The following TNRC6B variants were observed in gnomAD, a reference collection of about 807,000 sequenced individuals.
TNRC6B encodes the protein trinucleotide repeat containing adaptor 6B.
TNRC6B carries 52 observed loss-of-function variants against 203.6 expected under a neutral mutation model. That is an observed-to-expected ratio of 0.26 (90% CI 0.20 to 0.32). TNRC6B has a LOEUF of 0.32. TNRC6B is among the 10% of genes least tolerant of loss of function. The pLI is 1.00. For synonymous variants in TNRC6B, 838 were observed against 845.7 expected, an observed-to-expected ratio of 0.99 and a Z score of 0.16; for missense variants, 1,923 against 2,286.2, an observed-to-expected ratio of 0.84 and a Z score of 3.24.
intron 1 of TNRC6B, among the ~76,000 whole-genome samples, chr22:40,110,855 G>C (rs1332454613): frequency 6.6e-6 from 1 of 152,200 alleles, no homozygotes; most frequent in South Asian, 2.1e-4. Flanking sequence ...GTTTTTGTAA[G>C]CTCAGAATGT....
intron 3 of TNRC6B, among the ~76,000 whole-genome samples, chr22:40,140,479 CAT>C (rs1487220193): frequency 3.3e-5 from 5 of 152,064 alleles, no homozygotes; most frequent in Non-Finnish European, 4.4e-5. Flanking sequence ...GTGGAAGAAA[CAT>C]ATTGAAGATG....
intron 1 of TNRC6B, among the ~76,000 whole-genome samples, chr22:40,231,167 G>A (rs2069864376): frequency 6.6e-6 from 1 of 152,040 alleles, no homozygotes. Flanking sequence ...TTTATAATAA[G>A]TCTTCACGTC....
chr22:40,302,459 C>T (rs2071035625), intron 15 of TNRC6B, among the ~76,000 whole-genome samples: 1 of 152,080 alleles, frequency 6.6e-6, no homozygotes, highest in Non-Finnish European at 1.5e-5. Flanking sequence ...GTAGTGAAAC[C>T]CTGTCCCTAC....
At chr22:40,156,265 C>A in intron 4 of TNRC6B, 1 of 1,372,248 alleles carries the variant, frequency 7.3e-7, no homozygotes, top group South Asian at 1.3e-5. Flanking sequence ...GCGTGTTTGT[C>A]AGAGATGTAT....
At chr22:40,113,217 T>C (rs1254292848) in intron 1 of TNRC6B, among the ~76,000 whole-genome samples, 3 of 152,206 alleles carry the variant, frequency 2.0e-5, no homozygotes, top group African/African-American at 7.2e-5. Flanking sequence ...GACAGTATTT[T>C]TACAGAACTT....
chr22:40,262,252 C>A, intron 4 of TNRC6B, 79 bp downstream of exon 4: 1 of 1,257,092 alleles, frequency 8.0e-7, no homozygotes, highest in Non-Finnish European at 1.0e-6. Flanking sequence ...ATGTAAAGTC[C>A]AGGAAAGCCA....
chr22:40,274,058 G>A (rs1389729002), intron 7 of TNRC6B, among the ~76,000 whole-genome samples: 2 of 152,120 alleles, frequency 1.3e-5, no homozygotes, highest in Non-Finnish European at 2.9e-5. Context: ...TTTACCCTTC[G>A]TCTTGCTTTC....
chr22:40,139,513 G>T (rs1334069726), intron 3 of TNRC6B, among the ~76,000 whole-genome samples: 2 of 151,940 alleles, frequency 1.3e-5, no homozygotes, highest in African/African-American at 4.8e-5. Flanking sequence ...TGCATTTTTA[G>T]TAGAGATGGG....
At chr22:40,303,019 TTCC>T (rs1164626616) in intron 15 of TNRC6B, among the ~76,000 whole-genome samples, 13 of 149,274 alleles carry the variant, frequency 8.7e-5, no homozygotes, top group South Asian at 6.5e-4. Context: ...TATGCTGTAT[TTCC>T]TTCTTCTTCT....
At chr22:40,106,237 C>CT (rs201593383) in intron 1 of TNRC6B, 7,076 of 157,010 alleles carry the variant, frequency 0.045, 674 homozygotes, top group African/African-American at 0.23. Context: ...TCGAGGTTGT[C>CT]TTTTTTTTTT....
chr22:40,274,885 A>G (rs78342939), intron 7 of TNRC6B, among the ~76,000 whole-genome samples: 3 of 152,072 alleles, frequency 2.0e-5, no homozygotes, highest in Non-Finnish European at 4.4e-5. Context: ...TCTTTTTTCA[A>G]TTCCAGATTT....
chr22:40,234,404 A>G (rs186371327), intron 1 of TNRC6B, among the ~76,000 whole-genome samples: 38 of 152,360 alleles, frequency 2.5e-4, no homozygotes, highest in Middle Eastern at 3.4e-3. Context: ...CTACAATTCT[A>G]TATTTTCTTG....
At chr22:40,202,191 T>C (rs1846511464) in intron 1 of TNRC6B, among the ~76,000 whole-genome samples, 2 of 151,914 alleles carry the variant, frequency 1.3e-5, no homozygotes, top group Non-Finnish European at 2.9e-5. Context: ...TGTTTCTGTA[T>C]ACCCTGCTTG....
chr22:40,196,210 A>G (rs6001832), intron 1 of TNRC6B, among the ~76,000 whole-genome samples: 44,423 of 151,528 alleles, frequency 0.29, 7,531 homozygotes, highest in South Asian at 0.45. Flanking sequence ...AGTCTGTTGG[A>G]GTGCAATGTC....
chr22:40,254,878 C>G (rs1334502203), intron 3 of TNRC6B, among the ~76,000 whole-genome samples: 3 of 152,104 alleles, frequency 2.0e-5, no homozygotes, highest in Non-Finnish European at 4.4e-5. Flanking sequence ...CAGAGCGAGA[C>G]TCTGTCTCAA....
intron 12 of TNRC6B, among the ~76,000 whole-genome samples, chr22:40,293,909 G>A (rs898215235): frequency 6.6e-6 from 1 of 151,140 alleles, no homozygotes; most frequent in African/African-American, 2.4e-5. Context: ...CTTGGGTGCT[G>A]CAGATCTCTT....
intron 12 of TNRC6B, among the ~76,000 whole-genome samples, chr22:40,292,116 C>A (rs1023911117): frequency 7.9e-5 from 12 of 152,186 alleles, no homozygotes; most frequent in African/African-American, 1.9e-4. Flanking sequence ...ATGGCATGAA[C>A]CCTGGAGGCG....
At chr22:40,246,276 G>A (rs970360929) in intron 2 of TNRC6B, 174 bp downstream of exon 2, 11 of 416,864 alleles carry the variant, frequency 2.6e-5, no homozygotes, top group East Asian at 8.6e-5. Flanking sequence ...TACAACCTCC[G>A]CTTCCCAGGT....
intron 1 of TNRC6B, among the ~76,000 whole-genome samples, chr22:40,223,670 C>G (rs1289990806): frequency 1.3e-5 from 2 of 152,174 alleles, no homozygotes; most frequent in Admixed American, 1.3e-4. Context: ...AACCAGTCCC[C>G]TAATTGATGG....
Sources: gnomAD v4.1 joint callset for allele counts (sites outside exome capture counted in the v4.1 genomes callset) on GRCh38, gnomAD v4.1.1 for gene constraint, MANE v1.5 for transcripts, NCBI Gene and HGNC (gene_info 2026-07-23, HGNC 2026-07-21) for gene names.